CNTNAP5: variants seen among roughly 807,000 people sequenced by gnomAD.
CNTNAP5 encodes contactin-associated protein-like 5.
Under a neutral mutation model 150.2 loss-of-function variants are expected in CNTNAP5, and 72 were observed. The observed-to-expected ratio is 0.48, with a 90% CI of 0.40 to 0.58. The LOEUF (loss-of-function observed/expected upper bound fraction) is 0.58, where lower values mean the gene tolerates loss of function less well. Among genes scored for constraint, CNTNAP5 ranks in the 20% least tolerant of loss-of-function variants. The pLI, the probability that CNTNAP5 is intolerant of heterozygous loss-of-function variation, is 0.00. For synonymous variants in CNTNAP5, 672 were observed against 619.8 expected (o/e 1.08, Z -1.25); for missense variants, 1,636 against 1,626.2 (o/e 1.01, Z -0.10).
At chr2:124,644,859 T>A (rs1021695821) in intron 12 of CNTNAP5, among the ~76,000 whole-genome samples, 18 of 151,966 alleles carry the variant, frequency 1.2e-4, no homozygotes, top group Admixed American at 8.5e-4. Context: ...TGTTTGAAGC[T>A]AAGGGTTGTG....
chr2:124,578,231 G>A (rs1189866801), intron 11 of CNTNAP5, among the ~76,000 whole-genome samples: 1 of 150,346 alleles, frequency 6.7e-6, no homozygotes, highest in Non-Finnish European at 1.5e-5. Flanking sequence ...CTGGGAGGCT[G>A]AGACAGGAGA....
intron 13 of CNTNAP5, among the ~76,000 whole-genome samples, chr2:124,714,035 C>A (rs143230657): frequency 2.0e-5 from 3 of 152,040 alleles, no homozygotes; most frequent in African/African-American, 7.2e-5. Flanking sequence ...TCTTTAGGCT[C>A]TTTTTTTCCC....
chr2:124,590,089 C>T (rs1696646638), intron 11 of CNTNAP5, among the ~76,000 whole-genome samples: 1 of 152,086 alleles, frequency 6.6e-6, no homozygotes, highest in Admixed American at 6.6e-5. Flanking sequence ...CCTGCCATTC[C>T]ACCTTCTACC....
chr2:124,465,449 G>T (rs1161817400), intron 6 of CNTNAP5, among the ~76,000 whole-genome samples: 1 of 152,110 alleles, frequency 6.6e-6, no homozygotes, highest in East Asian at 1.9e-4. Context: ...AAGCAAGCAA[G>T]AAAAGTAAGA....
intron 11 of CNTNAP5, among the ~76,000 whole-genome samples, chr2:124,588,994 A>G (rs774712100): frequency 5.9e-5 from 9 of 152,136 alleles, no homozygotes; most frequent in Admixed American, 1.3e-4. Flanking sequence ...GACCTACAAC[A>G]TAACATCCCA....
At chr2:124,789,802 C>T in intron 17 of CNTNAP5, 100 bp from the exon 18 acceptor site, 1 of 1,080,844 alleles carries the variant, frequency 9.3e-7, no homozygotes, top group Non-Finnish European at 1.3e-6. Context: ...ACCTTCATGA[C>T]AACAGAGAAC....
At chr2:124,891,766 A>C (rs1678200166) in intron 21 of CNTNAP5, among the ~76,000 whole-genome samples, 1 of 152,158 alleles carries the variant, frequency 6.6e-6, no homozygotes, top group African/African-American at 2.4e-5. Context: ...AATTAAATAC[A>C]GTGGTGTTTA....
intron 1 of CNTNAP5, among the ~76,000 whole-genome samples, chr2:124,169,959 G>T (rs2699373): frequency 0.97 from 147,471 of 152,246 alleles, 71,598 homozygotes; most frequent in East Asian, 1. Flanking sequence ...CTCTTCATGT[G>T]GGAAAAGAAA....
At chr2:124,802,841 C>T (rs1477842634) in intron 19 of CNTNAP5, among the ~76,000 whole-genome samples, 3 of 152,094 alleles carry the variant, frequency 2.0e-5, no homozygotes, top group African/African-American at 7.2e-5. Flanking sequence ...AGAAATCTAA[C>T]TGGCCAGGCG....
At chr2:124,295,513 A>G (rs1408982676) in intron 3 of CNTNAP5, among the ~76,000 whole-genome samples, 5 of 152,368 alleles carry the variant, frequency 3.3e-5, no homozygotes, top group Admixed American at 6.5e-5. Flanking sequence ...TGACCATTGA[A>G]TAGGTCTGGG....
At chr2:124,671,493 G>T (rs1038125026) in intron 13 of CNTNAP5, among the ~76,000 whole-genome samples, 7 of 152,126 alleles carry the variant, frequency 4.6e-5, no homozygotes, top group Non-Finnish European at 1.0e-4. Context: ...ATGTAATAAT[G>T]TAATACTCAT....
intron 19 of CNTNAP5, among the ~76,000 whole-genome samples, chr2:124,860,914 C>T (rs1411850867): frequency 6.6e-6 from 1 of 152,050 alleles, no homozygotes; most frequent in Non-Finnish European, 1.5e-5. Context: ...CCTTGGGAAA[C>T]TCATGCTCTT....
intron 8 of CNTNAP5, among the ~76,000 whole-genome samples, chr2:124,507,053 A>T (rs968064185): frequency 1.3e-5 from 2 of 152,222 alleles, no homozygotes; most frequent in African/African-American, 4.8e-5. Context: ...TTACATGCAC[A>T]CAGGAGTCAC....
chr2:124,706,795 A>AGGAGGAGG (rs1679656262), intron 13 of CNTNAP5, among the ~76,000 whole-genome samples: 2 of 18,878 alleles, frequency 1.1e-4, no homozygotes, highest in Non-Finnish European at 1.0e-4. Flanking sequence ...GAAGAAGAAG[A>AGGAGGAGG]AGGAGGAGGA....
intron 13 of CNTNAP5, among the ~76,000 whole-genome samples, chr2:124,679,543 C>G (rs1160312522): frequency 6.6e-6 from 1 of 151,678 alleles, no homozygotes; most frequent in East Asian, 1.9e-4. Context: ...GATCCTAGAA[C>G]CCAAAATGCT....
At chr2:124,126,451 T>C (rs1212617464) in intron 1 of CNTNAP5, among the ~76,000 whole-genome samples, 2 of 152,028 alleles carry the variant, frequency 1.3e-5, no homozygotes, top group East Asian at 3.9e-4. Flanking sequence ...CAGGACCTGA[T>C]GGAGTCACAG....
intron 18 of CNTNAP5, among the ~76,000 whole-genome samples, chr2:124,790,911 CA>C (rs1681712959): frequency 6.6e-6 from 1 of 151,990 alleles, no homozygotes; most frequent in African/African-American, 2.4e-5. Flanking sequence ...TAGGATTTTT[CA>C]AACATAAGGA....
intron 3 of CNTNAP5, among the ~76,000 whole-genome samples, chr2:124,263,762 T>C (rs1469421765): frequency 1.3e-5 from 2 of 152,340 alleles, no homozygotes; most frequent in South Asian, 2.1e-4. Context: ...GGTTTTCTTC[T>C]AGGGATTTTA....
At chr2:124,132,159 C>A (rs1031221719) in intron 1 of CNTNAP5, among the ~76,000 whole-genome samples, 1 of 152,076 alleles carries the variant, frequency 6.6e-6, no homozygotes, top group African/African-American at 2.4e-5. Flanking sequence ...TTCATAAGGG[C>A]CCATTTTCAG....
Sources: gnomAD v4.1 joint callset for allele counts (sites outside exome capture counted in the v4.1 genomes callset) on GRCh38, gnomAD v4.1.1 for gene constraint, MANE v1.5 for transcripts, NCBI Gene and HGNC (gene_info 2026-07-23, HGNC 2026-07-21) for gene names.